Variants in KLHL29 observed in about 807,000 individuals in gnomAD.
KLHL29 encodes the protein kelch-like protein 29.
In KLHL29, 21 loss-of-function variants were observed where a neutral mutation model predicts 80.4. That is an observed-to-expected ratio of 0.26 (90% CI 0.19 to 0.38). KLHL29 has a LOEUF of 0.38. Ranked by LOEUF, KLHL29 falls within the 10% of genes least tolerant of loss-of-function variation. The pLI is 1.00. For missense variants in KLHL29, 867 were observed against 1,223.9 expected, an observed-to-expected ratio of 0.71 and a Z score of 4.35; for synonymous variants, 511 against 526.8, an observed-to-expected ratio of 0.97 and a Z score of 0.41.
intron 3 of KLHL29, among the ~76,000 whole-genome samples, chr2:23,591,788 C>T (rs114803616): frequency 0.019 from 2,966 of 152,302 alleles, 36 homozygotes; most frequent in Middle Eastern, 0.041. Context: ...CCTTCCTCGT[C>T]GCGTTCCAAC....
At chr2:23,493,368 C>T (rs1382056905) in intron 2 of KLHL29, among the ~76,000 whole-genome samples, 23 of 152,058 alleles carry the variant, frequency 1.5e-4, no homozygotes, top group Admixed American at 1.5e-3. Context: ...TTTAAAAAAT[C>T]GGCTATTAAT....
chr2:23,512,324 A>T (rs1212642301), intron 2 of KLHL29, among the ~76,000 whole-genome samples: 1 of 152,086 alleles, frequency 6.6e-6, no homozygotes, highest in African/African-American at 2.4e-5. Flanking sequence ...ATATCCCTGT[A>T]ATCCCAGCTA....
chr2:23,654,199 C>T (rs1018505204), intron 5 of KLHL29, among the ~76,000 whole-genome samples: 4 of 151,984 alleles, frequency 2.6e-5, no homozygotes, highest in African/African-American at 9.7e-5. Flanking sequence ...AACTAAATCA[C>T]CCAGCTCCTT....
chr2:23,597,383 G>GTGTATATATATATA (rs1444343783), intron 3 of KLHL29, among the ~76,000 whole-genome samples: 13 of 23,586 alleles, frequency 5.5e-4, no homozygotes, highest in African/African-American at 1.8e-3. Context: ...GTGTGTGTGT[G>GTGTATATATATATA]TATATATATA....
intron 3 of KLHL29, among the ~76,000 whole-genome samples, chr2:23,618,604 T>A (rs1373815598): frequency 6.6e-5 from 10 of 152,184 alleles, no homozygotes; most frequent in Admixed American, 6.5e-4. Context: ...ACTGGAACTA[T>A]ACCAGTTCCC....
At chr2:23,697,031 T>C (rs1290000786) in intron 11 of KLHL29, 2 of 156,496 alleles carry the variant, frequency 1.3e-5, no homozygotes, top group East Asian at 3.8e-4. Flanking sequence ...GGACATCTGT[T>C]CGTAATACAG....
At chr2:23,548,281 GCACACACACAAACACACACAGGCACA>G (rs989639770) in intron 2 of KLHL29, among the ~76,000 whole-genome samples, 12 of 150,468 alleles carry the variant, frequency 8.0e-5, no homozygotes, top group Non-Finnish European at 1.5e-4. Context: ...ACACACAGGC[GCACACACACAAACACACACAGGCACA>G]CACACACACA....
At chr2:23,686,558 C>G (rs1324001537) in intron 6 of KLHL29, among the ~76,000 whole-genome samples, 1 of 152,080 alleles carries the variant, frequency 6.6e-6, no homozygotes, top group South Asian at 2.1e-4. Context: ...AGGCAAGCAC[C>G]AGGACCCAAG....
intron 1 of KLHL29, among the ~76,000 whole-genome samples, chr2:23,459,697 T>A (rs900235642): frequency 4.6e-5 from 7 of 152,180 alleles, no homozygotes; most frequent in African/African-American, 1.4e-4. Context: ...GCATGCACTG[T>A]GATAGTGGTT....
chr2:23,643,805 G>C (rs1002569913), intron 5 of KLHL29: 6 of 152,254 alleles, frequency 3.9e-5, no homozygotes, highest in African/African-American at 1.2e-4. Context: ...GGGGCATAAG[G>C]GTCCATGGCA....
chr2:23,452,121 C>T (rs930693336), intron 1 of KLHL29, among the ~76,000 whole-genome samples: 2 of 152,018 alleles, frequency 1.3e-5, no homozygotes, highest in African/African-American at 4.8e-5. Flanking sequence ...AGTTGATCCT[C>T]CCACCTCAGC....
At chr2:23,655,582 C>T (rs190154537) in intron 5 of KLHL29, among the ~76,000 whole-genome samples, 1 of 152,276 alleles carries the variant, frequency 6.6e-6, no homozygotes, top group Admixed American at 6.5e-5. Flanking sequence ...CCCAAATCGG[C>T]ATAAATAGCT....
intron 2 of KLHL29, among the ~76,000 whole-genome samples, chr2:23,529,302 T>TG (rs1051106893): frequency 2.0e-5 from 3 of 152,100 alleles, no homozygotes; most frequent in African/African-American, 4.8e-5. Context: ...TCTGTAGAGA[T>TG]GGGGGTCTTG....
chr2:23,523,052 G>A lies in KLHL29; in HGVS notation c.-45-39100G>A, dbSNP rs534468593. ...GGGGTGGTTACGGGCATTTAGTGGG[G>A]AGGGGGGATGGTTCTCAGAACCTTG... On this transcript the variant is annotated intron_variant, in intron 2 of 13. Transcript: ENST00000486442. Among the ~76,000 whole-genome samples the A allele has an allele frequency of 5.9e-5, 9 of 152,002 alleles. No individual in the cohort carries two copies. The East Asian group carries it at 1.7e-3, about 29-fold the overall frequency.
At chr2:23,698,883 T>C (rs906716071) in intron 11 of KLHL29, among the ~76,000 whole-genome samples, 20 of 152,210 alleles carry the variant, frequency 1.3e-4, no homozygotes, top group South Asian at 6.2e-4. Flanking sequence ...TTTGGTGCGA[T>C]GTGCCATCAT....
chr2:23,597,401 ATATATATTTTTTTTTTTTTTTT>A, intron 3 of KLHL29, among the ~76,000 whole-genome samples: 1 of 55,292 alleles, frequency 1.8e-5, no homozygotes, highest in African/African-American at 6.7e-5. Context: ...ATATATATAT[ATATATATTTTTTTTTTTTTTTT>A]TTTTTTTTTT....
At chr2:23,705,126 G>A (rs573059171) in intron 13 of KLHL29, among the ~76,000 whole-genome samples, 38 of 152,340 alleles carry the variant, frequency 2.5e-4, no homozygotes, top group Admixed American at 6.5e-4. Context: ...TGACTACCCC[G>A]TCCACTGATG....
chr2:23,696,643 T>A lies in KLHL29; in HGVS notation c.2105+130T>A. 1.4e-6 allele frequency: 1 copy of A among 704,250 alleles called. No individual in the cohort carries two copies. Among genetic ancestry groups the A allele is most frequent in the Non-Finnish European group, 2.3e-6 (1 of 431,886 alleles). 43.6% of individuals were successfully genotyped at this position (704,250 alleles called of 1,614,324 possible). On this transcript the variant is annotated intron_variant, in intron 11 of 13. Transcript: ENST00000486442. This position sits in a 1 kb window ranked among gnomAD's most constrained non-coding sequence, Gnocchi z 5.5. ...GAGCCTGGACCATTCATATGGGCAG[T>A]CATCCCAGGCTCTTCAGTCACAGCA...
intron 6 of KLHL29, chr2:23,688,852 G>A (rs1482765655): frequency 6.6e-6 from 1 of 152,320 alleles, no homozygotes; most frequent in East Asian, 1.9e-4. Context: ...GAAATGGCTT[G>A]GGGCAGGGAC....
Sources: gnomAD v4.1 joint callset for allele counts (sites outside exome capture counted in the v4.1 genomes callset) on GRCh38, gnomAD v4.1.1 for gene constraint, Gnocchi (gnomAD v3.1) non-coding constraint, MANE v1.5 for transcripts, NCBI Gene and HGNC (gene_info 2026-07-23, HGNC 2026-07-21) for gene names.